Variants in RNF44 observed in about 807,000 individuals in gnomAD.
The protein encoded by RNF44 is ring finger protein 44.
In RNF44, 25 loss-of-function variants were observed where a neutral mutation model predicts 53.6. The observed-to-expected ratio is 0.47, with a 90% confidence interval of 0.34 to 0.65. The LOEUF (loss-of-function observed/expected upper bound fraction) is 0.65. Among genes scored for constraint, RNF44 ranks in the 30% least tolerant of loss-of-function variants. The probability of loss-of-function intolerance (pLI) is 0.01; values close to 1 mark genes in which losing one functional copy is unlikely to be tolerated. For missense variants in RNF44, 581 were observed against 595.5 expected (o/e 0.98, Z 0.25); for synonymous variants, 282 against 252.2 (o/e 1.12, Z -1.12).
rs535686438 is a variant in RNF44 at position 176,527,080 on chromosome 5, T to G, written c.*1948A>C. On this transcript the variant is annotated 3_prime_UTR_variant, in exon 11 of 11. Coordinates refer to ENST00000274811, the MANE Select transcript of RNF44 (RefSeq NM_014901.5). ...TATATTTCTACATATATATGTAATT[T>G]TATATATATATAAAACCTTTCTAAC... is the stretch of plus-strand genomic sequence containing the variant. 1.3e-5 allele frequency: 2 copies of G among 152,204 alleles called. No homozygotes were observed. Among genetic ancestry groups the G allele is most frequent in the East Asian group, 3.9e-4 (2 of 5,174 alleles). The allele number at this position is 152,204 out of a possible 1,614,324, so 9.4% of individuals were successfully genotyped here.
In RNF44 at chr5:176,530,370, C is replaced by G. The variant is rs1192428872; in HGVS notation, c.802-164G>C. Among the ~76,000 whole-genome samples the G allele has an allele frequency of 8.9e-3, 640 of 71,806 alleles. 62 individuals carry two copies. The highest frequency in any genetic ancestry group is 0.025 in the Middle Eastern group (3 of 118). The allele number at this position is 71,806 out of a possible 152,430, so 47.1% of individuals were successfully genotyped here. On this transcript the variant is annotated intron_variant, in intron 6 of 10. Transcript: ENST00000274811. ...TCCCAGCCGCCCCGGAGCCCACGTG[C>G]AAGTCAGCCCGGTGGGCCTGCCTCC...
rs1756111828 is a variant in RNF44, at chr5:176,527,299, AATG to A, written c.*1726_*1728del. On this transcript the variant is annotated 3_prime_UTR_variant, in exon 11 of 11. Transcript: ENST00000274811. ...AATTGTTGTATAAATCTTGTTTTTTAATGATGATCTTTTTAAATGCTGTGTTTC... is the reference window on the plus strand; with the variant it reads ...AATTGTTGTATAAATCTTGTTTTTTAATGATCTTTTTAAATGCTGTGTTTC... 6.6e-6 allele frequency: 1 copy of A among 152,410 alleles called. No homozygotes were observed. The highest frequency in any genetic ancestry group is 6.5e-5 in the Admixed American group (1 of 15,276). 9.4% of individuals were successfully genotyped at this position (152,410 alleles called of 1,614,324 possible). A position where few individuals can be genotyped will look rare whatever the true frequency, so the allele number is the denominator to read the frequency against.
intron 10 of RNF44, 53 bp downstream of exon 10, chr5:176,529,235 A>AT (rs1756327935): frequency 6.4e-7 from 1 of 1,571,990 alleles, no homozygotes; most frequent in Non-Finnish European, 8.7e-7. Flanking sequence ...AGGCCAGCCC[A>AT]TCCCCCCGTC....
chr5:176,536,702 G>C (rs941084604), intron 1 of RNF44, among the ~76,000 whole-genome samples: 1 of 152,068 alleles, frequency 6.6e-6, no homozygotes, highest in Non-Finnish European at 1.5e-5. Context: ...CAGGGGGAGG[G>C]GGGCGGCTCC....
chr5:176,530,524 C>T, intron 6 of RNF44, 58 bp downstream of exon 6: 7 of 1,369,700 alleles, frequency 5.1e-6, no homozygotes, highest in Non-Finnish European at 5.7e-6. Flanking sequence ...CAGGTCGGCC[C>T]AGCGGGTCTG....
chr5:176,529,256 G>C (rs1368454036), intron 10 of RNF44, 32 bp downstream of exon 10: 1 of 1,588,962 alleles, frequency 6.3e-7, no homozygotes, highest in East Asian at 2.2e-5. Flanking sequence ...ACTGCATGAG[G>C]AATACCCAGG....
At chr5:176,543,216 C>T in the RNF44 span, among the ~76,000 whole-genome samples, 1 of 147,720 alleles carries the variant, frequency 6.8e-6, no homozygotes, top group African/African-American at 2.4e-5. This position sits in a 1 kb window ranked among gnomAD's most constrained non-coding sequence, Gnocchi z 4.0. Context: ...TGCTCGCCGG[C>T]CCTGCGCCCG....
At chr5:176,539,481 A>G (rs1483938141), upstream of RNF44, among the ~76,000 whole-genome samples, 1 of 152,174 alleles carries the variant, frequency 6.6e-6, no homozygotes, top group Non-Finnish European at 1.5e-5. Flanking sequence ...CAAGGTCAGG[A>G]GTTTGAGACC....
At chr5:176,532,895 G>T (rs1756837298) in intron 1 of RNF44, among the ~76,000 whole-genome samples, 1 of 152,144 alleles carries the variant, frequency 6.6e-6, no homozygotes, top group South Asian at 2.1e-4. Flanking sequence ...GAGCCCTGGG[G>T]TCCAGTGCTG....
At chr5:176,532,218 A>T in intron 2 of RNF44, 25 bp from the exon 3 acceptor site, 1 of 1,493,038 alleles carries the variant, frequency 6.7e-7, no homozygotes, top group East Asian at 2.4e-5. Flanking sequence ...GGAGGCCCCG[A>T]TAGGACTGAG....
Position 176,529,057 on chromosome 5 carries a change from C to T in RNF44, c.1270G>A (p.Ala424Thr), listed in dbSNP as rs777274165. The change falls in exon 11 of 11, where the codon GCC becomes ACC. Residue 424 changes from alanine to threonine, a missense_variant. Physicochemically the swap from Ala to Thr is moderately conservative, Grantham distance 58. Transcript: ENST00000274811. The part of the protein sequence containing the change: ...NRTCPICRAD[A>T]SEVPREAE ...TCAGCCTCCCTGGGCACCTCGGAGG[C>T]GTCGGCCCGGCAGATGGGACACGTC... The T allele has an allele frequency of 1.5e-5, 24 of 1,613,006 alleles. No homozygotes were observed. The South Asian group carries it at 1.8e-4, about 12-fold the overall frequency.
chr5:176,538,283 G>A (rs1757354514), upstream of RNF44, among the ~76,000 whole-genome samples: 1 of 152,208 alleles, frequency 6.6e-6, no homozygotes, highest in Non-Finnish European at 1.5e-5. Context: ...CAGCAGCTAT[G>A]AGACGGAGGG....
chr5:176,536,538 G>A (rs1240959626), intron 1 of RNF44, among the ~76,000 whole-genome samples: 1 of 152,180 alleles, frequency 6.6e-6, no homozygotes, highest in East Asian at 1.9e-4. Flanking sequence ...TCCCTCGTCC[G>A]CTTCCTACTC....
In RNF44 at chr5:176,529,515, G is replaced by A. The variant is rs2241585; in HGVS notation, c.1136+8C>T. The A allele has an allele frequency of 0.5, 806,770 of 1,613,422 alleles. 203,299 individuals carry two copies. Among genetic ancestry groups the A allele is most frequent in the Admixed American group, 0.55 (32,774 of 60,006 alleles). ...TCAGAGGGGTGGGAGGTGGGGCAGG[G>A]TACTCACAGCGTCTGCTCCGACTGA... On this transcript the variant is annotated splice_region_variant and intron_variant, in intron 9 of 10. Transcript: ENST00000274811.
chr5:176,533,823 G>A (rs1756926857), intron 1 of RNF44, among the ~76,000 whole-genome samples: 1 of 152,228 alleles, frequency 6.6e-6, no homozygotes, highest in South Asian at 2.1e-4. Context: ...TCTAGAACCT[G>A]TCAGGCCCTG....
Position 176,529,553 on chromosome 5 carries a change from T to A in RNF44, c.1106A>T (p.Asn369Ile). 1.2e-6 allele frequency: 2 copies of A among 1,613,874 alleles called. No homozygotes were observed. Among genetic ancestry groups the A allele is most frequent in the Non-Finnish European group, 1.7e-6 (2 of 1,179,988 alleles). Residue 369 changes from asparagine (N) to isoleucine (I), a missense_variant, in exon 9 of 11, where the codon AAC (asparagine) becomes ATC (isoleucine). Asn to Ile is a moderately radical substitution (Grantham distance 149). Transcript: ENST00000274811. ...CTGCTCCGACTGATGGCTGTCCGGG[T>A]TAAAGCGGTACGACGGGAGCTGCTC... The part of the protein sequence containing the change: ...DIEQLPSYRF[N>I]PDSHQSEQTL...
At position 176,531,108 on chromosome 5, in the gene RNF44, C is replaced by A. The variant is rs577838485; in HGVS notation, c.466-87G>T. ...CATGCCACCCAGCAAAAGGCCCCCACCGGGCACACACCCAGCAGCTCCAGG... is the reference window on the plus strand; with the variant it reads ...CATGCCACCCAGCAAAAGGCCCCCAACGGGCACACACCCAGCAGCTCCAGG... On this transcript the variant is annotated intron_variant, in intron 4 of 10. Coordinates refer to ENST00000274811, the MANE Select transcript of RNF44 (RefSeq NM_014901.5). This position sits in a 1 kb window ranked among gnomAD's most constrained non-coding sequence, Gnocchi z 4.2. 2 of 967,298 alleles carry A rather than the reference C, an allele frequency of 2.1e-6. No homozygotes were observed. The highest frequency in any genetic ancestry group is 3.0e-5 in the East Asian group (1 of 33,714). The allele number at this position is 967,298 out of a possible 1,614,324, so 59.9% of individuals were successfully genotyped here.
Position 176,531,380 on chromosome 5 carries a change from A to G in RNF44, c.465+83T>C, listed in dbSNP as rs921938669. On this transcript the variant is annotated intron_variant, in intron 4 of 10. Transcript: ENST00000274811. This position sits in a 1 kb window ranked among gnomAD's most constrained non-coding sequence, Gnocchi z 4.2. ...ATGGCTGGATAGCTCAGCCCAGTTC[A>G]GGGCTGCCCTGGGCCCGCTGAGCCG... The G allele has an allele frequency of 1.4e-6, 2 of 1,385,042 alleles. No individual in the cohort carries two copies. The highest frequency in any genetic ancestry group is 1.9e-6 in the Non-Finnish European group (2 of 1,026,188). The allele number at this position is 1,385,042 out of a possible 1,614,324, so 85.8% of individuals were successfully genotyped here.
chr5:176,531,502 G>A lies in RNF44; in HGVS notation c.426C>T (p.Phe142=), dbSNP rs1396306147. The change falls in exon 4 of 11, where the codon TTC becomes TTT. Residue 142 remains phenylalanine (F), a synonymous_variant. Coordinates refer to ENST00000274811, the MANE Select transcript of RNF44 (RefSeq NM_014901.5). This position sits in a 1 kb window ranked among gnomAD's most constrained non-coding sequence, Gnocchi z 4.2. ...AGCAGAGGGGGTAATGCTGCCCACT[G>A]AACATCACGGAGCATGCTGGGAGCT... ...AQQLPACSVM[F]SGQHYPLCCL... is the part of the protein sequence containing the mutation. 7 of 1,594,778 alleles carry A rather than the reference G, an allele frequency of 4.4e-6. No homozygotes were observed. In the Admixed American group the frequency reaches 1.2e-4, roughly 28 times the overall value.
Sources: allele counts gnomAD v4.1 joint callset (sites outside exome capture counted in the v4.1 genomes callset), GRCh38; gene constraint gnomAD v4.1.1; non-coding constraint Gnocchi (gnomAD v3.1); transcripts MANE v1.5; gene names NCBI Gene and HGNC (gene_info 2026-07-23, HGNC 2026-07-21).